Variants in IDE observed in about 807,000 individuals in gnomAD.
The protein encoded by IDE is insulin-degrading enzyme.
IDE carries 58 observed loss-of-function variants against 133.2 expected under a neutral mutation model. The ratio of observed to expected loss-of-function variants is 0.44; its 90% CI spans 0.35 to 0.54. IDE has a LOEUF of 0.54. IDE is among the 20% of genes least tolerant of loss of function. IDE has a pLI of 0.00. For synonymous variants in IDE, 396 were observed against 421.3 expected (o/e 0.94, Z 0.73); for missense variants, 981 against 1,234.0 (o/e 0.79, Z 3.07).
intron 1 of IDE, among the ~76,000 whole-genome samples, chr10:92,566,955 C>T (rs1481849449): frequency 1.3e-5 from 2 of 152,170 alleles, no homozygotes; most frequent in African/African-American, 4.8e-5. Flanking sequence ...GGATCCATTT[C>T]CTATCCTTAA....
chr10:92,524,922 C>A (rs1849543869), intron 4 of IDE, among the ~76,000 whole-genome samples: 1 of 149,670 alleles, frequency 6.7e-6, no homozygotes, highest in South Asian at 2.1e-4. Flanking sequence ...CTCAAACAAA[C>A]AAACAAACAA....
chr10:92,461,925 C>T (rs1845415311), intron 21 of IDE, among the ~76,000 whole-genome samples: 2 of 152,242 alleles, frequency 1.3e-5, no homozygotes, highest in African/African-American at 2.4e-5. Context: ...CCGCCCGCCT[C>T]GCACTCCCAA....
At chr10:92,550,814 G>A (rs1041321237) in intron 1 of IDE, among the ~76,000 whole-genome samples, 4 of 152,170 alleles carry the variant, frequency 2.6e-5, no homozygotes, top group Admixed American at 6.5e-5. Flanking sequence ...AGCTTGCAGT[G>A]AGCCGAGATC....
intron 11 of IDE, among the ~76,000 whole-genome samples, chr10:92,503,086 A>G (rs1321368441): frequency 6.6e-6 from 1 of 152,148 alleles, no homozygotes; most frequent in Admixed American, 6.5e-5. Flanking sequence ...CCTCAAAACC[A>G]TGGTATCTTA....
chr10:92,496,679 G>A (rs1001220630), intron 11 of IDE, among the ~76,000 whole-genome samples: 108 of 152,288 alleles, frequency 7.1e-4, no homozygotes, highest in African/African-American at 2.4e-3. Flanking sequence ...CCAGCCACTC[G>A]GGAGGCTGAG....
chr10:92,511,204 T>C (rs1303569671), intron 5 of IDE, among the ~76,000 whole-genome samples: 1 of 150,050 alleles, frequency 6.7e-6, no homozygotes, highest in African/African-American at 2.5e-5. Flanking sequence ...CAGGTTCAAG[T>C]GATTCTCATG....
intron 1 of IDE, among the ~76,000 whole-genome samples, chr10:92,555,677 G>C (rs1842971768): frequency 2.0e-5 from 3 of 152,058 alleles, no homozygotes; most frequent in Admixed American, 1.3e-4. Flanking sequence ...AGGAATAAAA[G>C]AGAATTTCCT....
chr10:92,456,402 T>C lies in IDE; in HGVS notation c.2853A>G (p.Arg951=). The change falls in exon 23 of 25, where the codon AGA becomes AGG. Residue 951 remains arginine (R), a synonymous_variant. Transcript: ENST00000265986. ...KEMLAVDAPR[R]HKVSVHVLAR... The stretch of plus-strand genomic sequence containing the variant: ...CAAGAACATGGACGGATACCTTATG[T>C]CTCCTTGGAGCATCTACTGCCAACA... 1.2e-6 allele frequency: 2 copies of C among 1,613,808 alleles called. No homozygotes were observed. Among genetic ancestry groups the C allele is most frequent in the Non-Finnish European group, 1.7e-6 (2 of 1,179,722 alleles).
Position 92,461,661 on chromosome 10 carries a change from T to G in IDE, c.2762-409A>C, listed in dbSNP as rs1184550040. Among the ~76,000 whole-genome samples the G allele has an allele frequency of 2.6e-5, 4 of 151,814 alleles. No individual in the cohort carries two copies. In the East Asian group the frequency reaches 7.8e-4, roughly 29 times the overall value. On this transcript the variant is annotated intron_variant, in intron 21 of 24. Transcript: ENST00000265986. ...GTGAGCCATCGCGTCTGGCCAAGTA[T>G]TCACAATTTTTTTTTTTTTTTGAGA...
chr10:92,464,602 C>T (rs1006254196), intron 20 of IDE, among the ~76,000 whole-genome samples: 1 of 152,216 alleles, frequency 6.6e-6, no homozygotes, highest in South Asian at 2.1e-4. Context: ...CCCTGATCTA[C>T]CACCTCCAAC....
rs1842067105 is a variant in IDE, at chr10:92,537,373, C to T, written c.276G>A (p.Val92=). 4 of 1,598,828 alleles carry T rather than the reference C, an allele frequency of 2.5e-6. No homozygotes were observed. Among genetic ancestry groups the T allele is most frequent in the Admixed American group, 1.8e-5 (1 of 55,706 alleles). ...CACAATTTTCAATTGTACCTATGTGCACATCAAGTGCTGCTGATGACTTAT... is the reference window on the plus strand; with the variant it reads ...CACAATTTTCAATTGTACCTATGTGTACATCAAGTGCTGCTGATGACTTAT... The part of the protein sequence containing the change: ...TTDKSSAALD[V]HIGSLSDPPN... The change falls in exon 2 of 25, where the codon GTG becomes GTA. Residue 92 remains valine, a synonymous_variant. Transcript: ENST00000265986.
chr10:92,476,314 C>G (rs756538104), intron 15 of IDE, among the ~76,000 whole-genome samples: 5 of 151,890 alleles, frequency 3.3e-5, no homozygotes, highest in Non-Finnish European at 7.4e-5. Flanking sequence ...GCTGGGATTA[C>G]AGACGTGCCC....
intron 14 of IDE, chr10:92,479,748 G>A (rs1391651214): frequency 4.9e-6 from 1 of 203,056 alleles, no homozygotes; most frequent in Admixed American, 5.5e-5. Flanking sequence ...CAGTGGGAAC[G>A]GGCCAAAATG....
At chr10:92,532,978 A>G (rs1183776440) in intron 3 of IDE, among the ~76,000 whole-genome samples, 1 of 152,196 alleles carries the variant, frequency 6.6e-6, no homozygotes, top group African/African-American at 2.4e-5. Context: ...GGGAAACTCT[A>G]TCTATCTGGA....
chr10:92,501,243 T>A lies in IDE; in HGVS notation c.1430+3551A>T, dbSNP rs143724403. Among the ~76,000 whole-genome samples the A allele has an allele frequency of 4.2e-3, 636 of 149,978 alleles. 3 individuals carry two copies. Among genetic ancestry groups the A allele is most frequent in the Middle Eastern group, 0.01 (3 of 290 alleles). On this transcript the variant is annotated intron_variant, in intron 11 of 24. Coordinates refer to ENST00000265986, the MANE Select transcript of IDE (RefSeq NM_004969.4). ...GGGCATTGGTGGCACATGCCTGTAA[T>A]CCCACCTACTTGGGAGGCTGAGGCA...
intron 15 of IDE, chr10:92,478,691 A>G (rs1213940806): frequency 3.1e-6 from 4 of 1,278,730 alleles, no homozygotes; most frequent in South Asian, 1.3e-5. Flanking sequence ...CAAACCTGAG[A>G]GGCGTGCTGC....
chr10:92,555,781 C>T (rs926117723), intron 1 of IDE, among the ~76,000 whole-genome samples: 4 of 152,168 alleles, frequency 2.6e-5, no homozygotes, highest in African/African-American at 9.7e-5. Flanking sequence ...AAGAAGATGA[C>T]AAGGATTTCC....
chr10:92,480,921 TA>T (rs1846565996), intron 14 of IDE: 1 of 970,490 alleles, frequency 1.0e-6, no homozygotes, highest in Non-Finnish European at 1.2e-6. Context: ...TCAAAGCTGA[TA>T]AAAAAGCAAA....
In IDE at chr10:92,574,027, C is replaced by A. The variant is rs1476950773; in HGVS notation, c.-8G>T. ...CGCTAGCCGGTACCGCATTAGCCAG[C>A]GCAGTCGCCGGGATCACCGCAAACG... On this transcript the variant is annotated 5_prime_UTR_variant, in exon 1 of 25. Coordinates refer to ENST00000265986, the MANE Select transcript of IDE (RefSeq NM_004969.4). 3 of 1,508,428 alleles carry A rather than the reference C, an allele frequency of 2.0e-6. No individual in the cohort carries two copies. Among genetic ancestry groups the A allele is most frequent in the Non-Finnish European group, 2.7e-6 (3 of 1,130,950 alleles). The allele number at this position is 1,508,428 out of a possible 1,614,324, so 93.4% of individuals were successfully genotyped here. A position where few individuals can be genotyped will look rare whatever the true frequency, so the allele number is the denominator to read the frequency against.
Sources: allele counts gnomAD v4.1 joint callset (sites outside exome capture counted in the v4.1 genomes callset), GRCh38; gene constraint gnomAD v4.1.1; transcripts MANE v1.5; gene names NCBI Gene and HGNC (gene_info 2026-07-23, HGNC 2026-07-21).